The following SLCO1A2 variants were observed in gnomAD, a reference collection of about 807,000 sequenced individuals.
SLCO1A2 encodes the protein solute carrier organic anion transporter family member 1A2, also known as OATP-1.
SLCO1A2 carries 67 observed loss-of-function variants against 69.0 expected under a neutral mutation model. The ratio of observed to expected loss-of-function variants is 0.97; its 90% CI spans 0.80 to 1.19. The LOEUF (loss-of-function observed/expected upper bound fraction) is 1.19. Ranked by LOEUF, SLCO1A2 falls within the 50% of genes most tolerant of loss-of-function variation. The pLI is 0.00. For missense variants in SLCO1A2, 787 were observed against 793.7 expected, an observed-to-expected ratio of 0.99 and a Z score of 0.10; for synonymous variants, 260 against 265.9, an observed-to-expected ratio of 0.98 and a Z score of 0.22.
chr12:21,386,788 C>T (rs1314914397), intron 1 of SLCO1A2, among the ~76,000 whole-genome samples: 3 of 151,890 alleles, frequency 2.0e-5, no homozygotes, highest in Non-Finnish European at 4.4e-5. Context: ...AACTTTGGAA[C>T]TGGGTAACAA....
chr12:21,401,341 T>G (rs1322883256), intron 1 of SLCO1A2, among the ~76,000 whole-genome samples: 1 of 151,574 alleles, frequency 6.6e-6, no homozygotes, highest in Non-Finnish European at 1.5e-5. Flanking sequence ...AAAATAAAAA[T>G]AAAATATCAT....
At chr12:21,334,459 T>C (rs1952800943) in intron 2 of SLCO1A2, 129 bp downstream of exon 2, 1 of 642,356 alleles carries the variant, frequency 1.6e-6, no homozygotes, top group African/African-American at 1.9e-5. Context: ...AGCAAGAAAT[T>C]ATCAATAGAA....
At chr12:21,272,556 AACTT>A (rs1049218805) in intron 14 of SLCO1A2, among the ~76,000 whole-genome samples, 5 of 152,014 alleles carry the variant, frequency 3.3e-5, no homozygotes, top group South Asian at 2.1e-4. Context: ...TTTTCCCTTT[AACTT>A]ACTTATATTT....
At chr12:21,298,466 T>C (rs1366321920) in intron 8 of SLCO1A2, among the ~76,000 whole-genome samples, 1 of 152,210 alleles carries the variant, frequency 6.6e-6, no homozygotes, top group Non-Finnish European at 1.5e-5. Flanking sequence ...CTTGACTTTC[T>C]TATGCACAAT....
At chr12:21,319,851 G>A (rs1449904407) in intron 2 of SLCO1A2, among the ~76,000 whole-genome samples, 4 of 151,984 alleles carry the variant, frequency 2.6e-5, no homozygotes, top group Non-Finnish European at 5.9e-5. Flanking sequence ...AGCTACTATG[G>A]TTTTACTGAA....
At position 21,351,600 on chromosome 12, in the gene SLCO1A2, A is replaced by G. The variant is rs111854124; in HGVS notation, c.-62-16891T>C. 2.7e-4 allele frequency among the ~76,000 whole-genome samples: 41 copies of G among 151,900 alleles called. 1 individual carries two copies. The highest frequency in any genetic ancestry group is 9.9e-4 in the African/African-American group (41 of 41,400). On this transcript the variant is annotated intron_variant, in intron 2 of 15. Coordinates refer to the SLCO1A2 transcript ENST00000307378. ...AGACAAGCCTGGCCAAAATGGTGAA[A>G]CTCCATCTCTACTAAAAAATACAAA...
chr12:21,369,348 T>G (rs1939620655), intron 2 of SLCO1A2, among the ~76,000 whole-genome samples: 1 of 152,328 alleles, frequency 6.6e-6, no homozygotes, highest in South Asian at 2.1e-4. Flanking sequence ...GTCTAAGGCC[T>G]CATGATCTCA....
At chr12:21,341,817 G>T (rs1953078713) in intron 2 of SLCO1A2, among the ~76,000 whole-genome samples, 1 of 152,022 alleles carries the variant, frequency 6.6e-6, no homozygotes, top group Non-Finnish European at 1.5e-5. Context: ...GGAGCTCTAT[G>T]TATGTATAAA....
At chr12:21,389,308 A>G (rs1465186155) in intron 1 of SLCO1A2, among the ~76,000 whole-genome samples, 1 of 152,186 alleles carries the variant, frequency 6.6e-6, no homozygotes, top group East Asian at 1.9e-4. Flanking sequence ...TACTGCCTAC[A>G]CGTTTTTCTT....
intron 14 of SLCO1A2, among the ~76,000 whole-genome samples, chr12:21,272,231 G>T (rs1005002686): frequency 2.6e-5 from 4 of 151,596 alleles, no homozygotes; most frequent in African/African-American, 9.7e-5. Flanking sequence ...AATAGATATA[G>T]ATGTATTATA....
intron 2 of SLCO1A2, among the ~76,000 whole-genome samples, chr12:21,360,112 C>A (rs1450780170): frequency 1.3e-5 from 2 of 151,804 alleles, no homozygotes; most frequent in African/African-American, 4.8e-5. Flanking sequence ...ACAAAACACA[C>A]AGCAGCAGTT....
At chr12:21,363,565 TAGAG>T (rs1321222697) in intron 2 of SLCO1A2, among the ~76,000 whole-genome samples, 2 of 152,078 alleles carry the variant, frequency 1.3e-5, no homozygotes, top group East Asian at 3.9e-4. Context: ...CTGAAGTAGA[TAGAG>T]ACACAAAAAA....
chr12:21,413,237 C>CTT (rs3983534), intron 1 of SLCO1A2, among the ~76,000 whole-genome samples: 30 of 99,460 alleles, frequency 3.0e-4, no homozygotes, highest in East Asian at 1.3e-3. Context: ...TTTTCTTTTT[C>CTT]TTTTTTTTTT....
At chr12:21,296,256 T>C (rs1947694112) in intron 9 of SLCO1A2, among the ~76,000 whole-genome samples, 1 of 152,146 alleles carries the variant, frequency 6.6e-6, no homozygotes, top group African/African-American at 2.4e-5. Flanking sequence ...TTTTCTTTTT[T>C]TAGAGACAGA....
Position 21,274,769 on chromosome 12 carries a change from T to C in SLCO1A2, c.1676-183A>G, listed in dbSNP as rs564030820. 112 of 683,442 alleles carry C rather than the reference T, an allele frequency of 1.6e-4. No homozygotes were observed. The East Asian group carries it at 2.1e-3, about 13-fold the overall frequency. 42.3% of individuals were successfully genotyped at this position (683,442 alleles called of 1,614,324 possible). On this transcript the variant is annotated intron_variant, in intron 13 of 14. Transcript: ENST00000683939. ...GTAAAGTTTCTAAATTATTAAAAGA[T>C]AAGTAATCTTATGGTCAAATGCAAC...
At chr12:21,403,623 G>T (rs1458805955) in intron 1 of SLCO1A2, 1 of 151,138 alleles carries the variant, frequency 6.6e-6, no homozygotes, top group Admixed American at 6.6e-5. Flanking sequence ...AAGTTTCTTT[G>T]GCTCTGATGG....
intron 1 of SLCO1A2, among the ~76,000 whole-genome samples, chr12:21,386,982 C>G (rs1940913451): frequency 6.6e-6 from 1 of 152,038 alleles, no homozygotes; most frequent in South Asian, 2.1e-4. Context: ...GAAGTCCAGG[C>G]TGAGGTGGTC....
At chr12:21,367,626 G>T (rs1382971502) in intron 2 of SLCO1A2, among the ~76,000 whole-genome samples, 1 of 151,692 alleles carries the variant, frequency 6.6e-6, no homozygotes, top group African/African-American at 2.4e-5. Context: ...AAAACAAAAG[G>T]TTAAATAAAA....
At chr12:21,359,888 A>G (rs1465865766) in intron 2 of SLCO1A2, among the ~76,000 whole-genome samples, 1 of 152,208 alleles carries the variant, frequency 6.6e-6, no homozygotes, top group African/African-American at 2.4e-5. Flanking sequence ...ACTAGAAACA[A>G]CCCGAAGTCC....
Sources: gnomAD v4.1 joint callset for allele counts (sites outside exome capture counted in the v4.1 genomes callset) on GRCh38, gnomAD v4.1.1 for gene constraint, MANE v1.5 for transcripts, NCBI Gene and HGNC (gene_info 2026-07-23, HGNC 2026-07-21) for gene names.